The following ZNF33A variants were observed in gnomAD, a reference collection of about 807,000 sequenced individuals.
ZNF33A encodes brain my041 protein.
ZNF33A carries 9 observed loss-of-function variants against 15.9 expected under a neutral mutation model. That is an observed-to-expected ratio of 0.57 (90% CI 0.34 to 0.99). ZNF33A has a LOEUF of 0.99. Among genes scored for constraint, ZNF33A ranks in the 50% least tolerant of loss-of-function variants. The pLI is 0.02. For missense variants in ZNF33A, 843 were observed against 941.6 expected (o/e 0.90, Z 1.37); for synonymous variants, 294 against 324.2 (o/e 0.91, Z 1.00).
At chr10:38,019,791 A>C (rs1328855589) in intron 4 of ZNF33A, among the ~76,000 whole-genome samples, 1 of 152,220 alleles carries the variant, frequency 6.6e-6, no homozygotes, top group Non-Finnish European at 1.5e-5. Flanking sequence ...GCAAGAAAGA[A>C]GATTGGAGGT....
chr10:38,043,676 C>CAA (rs1288025899), intron 4 of ZNF33A, among the ~76,000 whole-genome samples: 1 of 147,352 alleles, frequency 6.8e-6, no homozygotes, highest in African/African-American at 2.5e-5. Flanking sequence ...TATTTCATTG[C>CAA]AAAAAAAAAA....
At chr10:38,060,334 G>A (rs2066640791), downstream of ZNF33A, among the ~76,000 whole-genome samples, 1 of 152,070 alleles carries the variant, frequency 6.6e-6, no homozygotes, top group African/African-American at 2.4e-5. Flanking sequence ...TGTCAGGGGG[G>A]CCAGGCACAA....
intron 4 of ZNF33A, among the ~76,000 whole-genome samples, chr10:38,037,838 G>A (rs896542464): frequency 1.3e-5 from 2 of 152,036 alleles, no homozygotes; most frequent in African/African-American, 4.8e-5. Context: ...TTTTAAGATT[G>A]TTTTGATTAT....
intron 4 of ZNF33A, among the ~76,000 whole-genome samples, chr10:38,021,653 AAG>A (rs1412252133): frequency 6.6e-6 from 1 of 152,194 alleles, no homozygotes; most frequent in African/African-American, 2.4e-5. Context: ...AAGAAAAAAA[AAG>A]AGTAGTGCCC....
At position 38,057,798 on chromosome 10, in the gene ZNF33A, G is replaced by A; in HGVS notation, c.*1238G>A. The A allele has an allele frequency of 7.1e-6, 7 of 985,426 alleles. No homozygotes were observed. The highest frequency in any genetic ancestry group is 8.4e-6 in the Non-Finnish European group (7 of 829,984). The allele number at this position is 985,426 out of a possible 1,614,324, so 61.0% of individuals were successfully genotyped here. On this transcript the variant is annotated 3_prime_UTR_variant, in exon 5 of 5. Transcript: ENST00000432900. The stretch of plus-strand genomic sequence containing the variant: ...TGGTAGTCCAAATTTTCTTTAAGCA[G>A]CTGCTCTCCAAGACAGGGCCCTGGA...
chr10:38,012,895 T>C, intron 2 of ZNF33A, among the ~76,000 whole-genome samples: 1 of 152,212 alleles, frequency 6.6e-6, no homozygotes, highest in East Asian at 1.9e-4. Context: ...AGACACTGGA[T>C]ACAGACAGAC....
At chr10:38,034,463 A>AT (rs1256777988) in intron 4 of ZNF33A, among the ~76,000 whole-genome samples, 5 of 152,166 alleles carry the variant, frequency 3.3e-5, no homozygotes, top group African/African-American at 1.2e-4. Flanking sequence ...GACTGGGATT[A>AT]TAGGTTTTGG....
rs1194901192 is a variant in ZNF33A, at chr10:38,058,422, A to G, written c.*1862A>G. The G allele has an allele frequency of 6.6e-6, 1 of 152,202 alleles. No homozygotes were observed. The highest frequency in any genetic ancestry group is 2.4e-5 in the African/African-American group (1 of 41,450). 9.4% of individuals were successfully genotyped at this position (152,202 alleles called of 1,614,324 possible). The stretch of plus-strand genomic sequence containing the variant: ...CGCATTCTCTCAAAGCTCACACAAG[A>G]TAGACCTCAATAGGCATATGTATCT... On this transcript the variant is annotated 3_prime_UTR_variant, in exon 5 of 5. Transcript: ENST00000432900.
At chr10:38,043,270 TCTCA>T (rs2065788264) in intron 4 of ZNF33A, among the ~76,000 whole-genome samples, 1 of 147,766 alleles carries the variant, frequency 6.8e-6, no homozygotes, top group African/African-American at 2.5e-5. Context: ...CACAGCATGT[TCTCA>T]CTCACAGGTG....
chr10:38,051,474 C>T (rs1345811387), intron 4 of ZNF33A, among the ~76,000 whole-genome samples: 1 of 151,690 alleles, frequency 6.6e-6, no homozygotes, highest in Non-Finnish European at 1.5e-5. Flanking sequence ...CATGCATTTG[C>T]CAAGAATACA....
At chr10:38,023,053 C>T (rs2064824004) in intron 4 of ZNF33A, among the ~76,000 whole-genome samples, 1 of 152,162 alleles carries the variant, frequency 6.6e-6, no homozygotes, top group East Asian at 1.9e-4. Flanking sequence ...TCAGATGATT[C>T]TCCTGCGTCA....
chr10:38,053,480 C>T (rs1313245283), intron 4 of ZNF33A, among the ~76,000 whole-genome samples: 1 of 152,076 alleles, frequency 6.6e-6, no homozygotes, highest in Non-Finnish European at 1.5e-5. Context: ...CTCATTTAAC[C>T]TTAGTTAATC....
At chr10:38,039,549 A>G (rs1469678979) in intron 4 of ZNF33A, 1 of 455,884 alleles carries the variant, frequency 2.2e-6, no homozygotes, top group Non-Finnish European at 4.4e-6. Context: ...TTTTAAATTT[A>G]CAACTTCAAT....
chr10:38,024,711 G>A (rs2064905418), intron 4 of ZNF33A, among the ~76,000 whole-genome samples: 1 of 152,200 alleles, frequency 6.6e-6, no homozygotes, highest in Non-Finnish European at 1.5e-5. Flanking sequence ...TTTGCTTTCT[G>A]CAGTTTCAGT....
At chr10:38,062,146 C>T (rs1457314563), downstream of ZNF33A, among the ~76,000 whole-genome samples, 1 of 152,060 alleles carries the variant, frequency 6.6e-6, no homozygotes, top group East Asian at 1.9e-4. Context: ...CATGTGAGGG[C>T]CCAGTGTCAC....
chr10:38,044,126 C>A (rs771213377), intron 4 of ZNF33A, among the ~76,000 whole-genome samples: 16 of 151,276 alleles, frequency 1.1e-4, no homozygotes, highest in East Asian at 5.8e-4. Context: ...TCTCTCTGTT[C>A]TTTAGATTAC....
intron 4 of ZNF33A, among the ~76,000 whole-genome samples, chr10:38,050,143 C>G (rs566080002): frequency 1.3e-5 from 2 of 152,250 alleles, no homozygotes; most frequent in African/African-American, 4.8e-5. Context: ...GGAATACTTC[C>G]TAAATCATTC....
intron 4 of ZNF33A, among the ~76,000 whole-genome samples, chr10:38,046,755 T>A (rs1276023250): frequency 1.3e-5 from 2 of 152,112 alleles, no homozygotes; most frequent in Non-Finnish European, 2.9e-5. Flanking sequence ...AGTATTATAA[T>A]TGGATTCCAT....
At chr10:38,025,261 G>C (rs2064934517) in intron 4 of ZNF33A, among the ~76,000 whole-genome samples, 1 of 152,128 alleles carries the variant, frequency 6.6e-6, no homozygotes, top group South Asian at 2.1e-4. Flanking sequence ...CACATTGGTA[G>C]AACATACATA....
Sources: gnomAD v4.1 joint callset for allele counts (sites outside exome capture counted in the v4.1 genomes callset) on GRCh38, gnomAD v4.1.1 for gene constraint, MANE v1.5 for transcripts, NCBI Gene and HGNC (gene_info 2026-07-23, HGNC 2026-07-21) for gene names.